The following SLC12A3 variants were observed in gnomAD, a reference collection of about 807,000 sequenced individuals.
SLC12A3 encodes the protein Na-Cl cotransporter.
In SLC12A3, 104 loss-of-function variants were observed where a neutral mutation model predicts 121.0. The ratio of observed to expected loss-of-function variants is 0.86; its 90% CI spans 0.73 to 1.01. SLC12A3 has a LOEUF of 1.01. Among genes scored for constraint, SLC12A3 ranks in the 50% least tolerant of loss-of-function variants. The probability of loss-of-function intolerance (pLI) is 0.00; values close to 1 mark genes in which losing one functional copy is unlikely to be tolerated. For synonymous variants in SLC12A3, 536 were observed against 533.4 expected (o/e 1.00, Z -0.07); for missense variants, 1,328 against 1,356.3 (o/e 0.98, Z 0.33).
chr16:56,870,259 G>A, intron 5 of SLC12A3, 24 bp downstream of exon 5: 1 of 1,609,062 alleles, frequency 6.2e-7, no homozygotes. Flanking sequence ...GCTGGACCCT[G>A]GGTAGAGGGA....
chr16:56,895,228 G>A (rs2144749944), intron 22 of SLC12A3, among the ~76,000 whole-genome samples: 1 of 125,544 alleles, frequency 8.0e-6, no homozygotes, highest in South Asian at 2.5e-4. Flanking sequence ...TTCTCACTCT[G>A]TCACCCAGGC....
chr16:56,890,038 C>T (rs1271135360), intron 18 of SLC12A3, among the ~76,000 whole-genome samples: 3 of 152,214 alleles, frequency 2.0e-5, no homozygotes, highest in Admixed American at 6.5e-5. Flanking sequence ...TGACTTGGTT[C>T]CCCTGAGTAC....
intron 16 of SLC12A3, among the ~76,000 whole-genome samples, chr16:56,886,677 C>A (rs1355925170): frequency 6.6e-6 from 1 of 152,132 alleles, no homozygotes; most frequent in African/African-American, 2.4e-5. Flanking sequence ...GCAAGGGGCA[C>A]CCAGCCAGGC....
At chr16:56,871,680 G>C (rs904696492) in intron 6 of SLC12A3, among the ~76,000 whole-genome samples, 19 of 152,208 alleles carry the variant, frequency 1.2e-4, no homozygotes, top group African/African-American at 4.3e-4. Context: ...TGCTAAATGA[G>C]CTCCACCCAG....
At chr16:56,911,126 C>G (rs1425238017) in intron 25 of SLC12A3, among the ~76,000 whole-genome samples, 1 of 152,218 alleles carries the variant, frequency 6.6e-6, no homozygotes, top group African/African-American at 2.4e-5. Context: ...ATTCAGTCCC[C>G]GAAATCATGT....
chr16:56,872,402 G>C lies in SLC12A3; in HGVS notation c.904G>C (p.Val302Leu). Residue 302 changes from valine (V) to leucine (L), a missense_variant, in exon 7 of 26, where the codon GTG (valine) becomes CTG (leucine). By Grantham distance (32) the Val-to-Leu change is conservative. Transcript: ENST00000563236. ...VIMVSFANYL[V>L]GTLIPPSEDK... ...CATGGTCTCCTTTGCCAACTATTTA[G>C]TGGGGACGCTGATCCCCCCATCTGA... The C allele has an allele frequency of 6.2e-7, 1 of 1,614,114 alleles. No individual in the cohort carries two copies. The highest frequency in any genetic ancestry group is 8.5e-7 in the Non-Finnish European group (1 of 1,180,040).
chr16:56,873,635 G>A (rs564627459), intron 8 of SLC12A3, among the ~76,000 whole-genome samples: 4 of 150,834 alleles, frequency 2.7e-5, no homozygotes, highest in East Asian at 1.9e-4. Context: ...TGATCCATTC[G>A]CCTGGGCCTC....
At chr16:56,908,127 A>C (rs1307544100) in intron 25 of SLC12A3, among the ~76,000 whole-genome samples, 2 of 146,406 alleles carry the variant, frequency 1.4e-5, no homozygotes, top group African/African-American at 5.2e-5. Flanking sequence ...TTTTTTAAAG[A>C]ATGATTGTAT....
intron 21 of SLC12A3, 62 bp downstream of exon 21, chr16:56,893,116 T>A: frequency 7.7e-7 from 1 of 1,299,458 alleles, no homozygotes; most frequent in Non-Finnish European, 1.1e-6. Context: ...GTGGTCTTCC[T>A]TCCTTCTCCT....
chr16:56,885,358 A>ACTAC lies in SLC12A3; in HGVS notation c.1921_1924dup (p.Arg642LeufsTer48), dbSNP rs1567436855. Reference sequence around the variant, plus strand: ...AATGAGGTGGAAGACCACATCAAGAACTACCGGTGAGCAGAGCTGCTGGGA... The same window carrying ACTAC: ...AATGAGGTGGAAGACCACATCAAGAACTACCTACCGGTGAGCAGAGCTGCTGGGA... On this transcript the variant is annotated frameshift_variant, in exon 15 of 26. Coordinates refer to ENST00000563236, the MANE Select transcript of SLC12A3 (RefSeq NM_001126108.2). LOFTEE classifies it high-confidence loss of function. 6.5e-7 allele frequency: 1 copy of ACTAC among 1,549,314 alleles called. No individual in the cohort carries two copies. The highest frequency in any genetic ancestry group is 8.7e-7 in the Non-Finnish European group (1 of 1,144,038).
In SLC12A3 at chr16:56,879,587, A is replaced by G. The variant is rs932396772; in HGVS notation, c.1381A>G (p.Ile461Val). 2 of 1,613,832 alleles carry G rather than the reference A, an allele frequency of 1.2e-6. No individual in the cohort carries two copies. Among genetic ancestry groups the G allele is most frequent in the Non-Finnish European group, 1.7e-6 (2 of 1,180,006 alleles). The change falls in exon 11 of 26, where the codon ATC (isoleucine) becomes GTC (valine). Residue 461 changes from isoleucine to valine, a missense_variant. Transcript: ENST00000563236. ...CTTCGCGCCCCTGATCACGGCTGGC[A>G]TCTTCGGGGCCACCCTCTCCTCTGC... ...SGFAPLITAG[I>V]FGATLSSALA... is the part of the protein sequence containing the mutation.
At chr16:56,906,178 C>CA (rs2055605808) in intron 25 of SLC12A3, among the ~76,000 whole-genome samples, 1 of 152,210 alleles carries the variant, frequency 6.6e-6, no homozygotes, top group South Asian at 2.1e-4. Flanking sequence ...AAAAGCAACT[C>CA]AAACTATTTT....
intron 3 of SLC12A3, among the ~76,000 whole-genome samples, chr16:56,869,188 C>G (rs1284717052): frequency 6.6e-6 from 1 of 152,116 alleles, no homozygotes; most frequent in Admixed American, 6.5e-5. Flanking sequence ...AGATTTGGCT[C>G]CCAGAGGTGA....
In SLC12A3 at chr16:56,902,526, G is replaced by A; in HGVS notation, c.2856+18G>A. On this transcript the variant is annotated intron_variant, in intron 24 of 25. Transcript: ENST00000563236. ...GAGTCAAGGTGCAGAGAGGGGTGGG[G>A]GTGGGAAACGCGACACATCACTGGG... The A allele has an allele frequency of 1.3e-6, 2 of 1,554,462 alleles. No homozygotes were observed. The highest frequency in any genetic ancestry group is 1.8e-6 in the Non-Finnish European group (2 of 1,132,066).
chr16:56,878,156 C>T lies in SLC12A3; in HGVS notation c.1175C>T (p.Thr392Ile), dbSNP rs748575829. ...ATTTCCTACCTGGCCATCTCAGCCA[C>T]CATTGGTAAGTGGCCGGCCCAGCCA... ...TTISYLAISA[T>I]IGSCVVRDAS... The change falls in exon 9 of 26, where the codon ACC (threonine) becomes ATC (isoleucine). Residue 392 changes from threonine to isoleucine, a missense_variant. Physicochemically the swap from Thr to Ile is moderately conservative, Grantham distance 89. Coordinates refer to ENST00000563236, the MANE Select transcript of SLC12A3 (RefSeq NM_001126108.2). The T allele has an allele frequency of 7.4e-6, 12 of 1,611,416 alleles. No individual in the cohort carries two copies. The highest frequency in any genetic ancestry group is 4.5e-5 in the East Asian group (2 of 44,846).
At chr16:56,884,233 C>T (rs1311899518) in intron 14 of SLC12A3, 29 bp downstream of exon 14, 2 of 1,612,706 alleles carry the variant, frequency 1.2e-6, no homozygotes, top group Admixed American at 3.3e-5. Flanking sequence ...GGGCCTCGGC[C>T]CTCCTCCCCC....
At chr16:56,887,280 C>T (rs554909061) in intron 17 of SLC12A3, among the ~76,000 whole-genome samples, 187 bp downstream of exon 17, 1 of 152,004 alleles carries the variant, frequency 6.6e-6, no homozygotes, top group African/African-American at 2.4e-5. Context: ...CAGCTCACTG[C>T]AATAACCTCC....
At chr16:56,900,935 T>G (rs756649226) in intron 23 of SLC12A3, among the ~76,000 whole-genome samples, 1 of 152,154 alleles carries the variant, frequency 6.6e-6, no homozygotes, top group African/African-American at 2.4e-5. Context: ...ATGTTTGCAC[T>G]CTTTGTCGAC....
At chr16:56,903,394 C>T (rs1245939684) in intron 24 of SLC12A3, among the ~76,000 whole-genome samples, 2 of 152,168 alleles carry the variant, frequency 1.3e-5, no homozygotes, top group Non-Finnish European at 2.9e-5. Context: ...ACTTCTACCC[C>T]CAGTGTCAGT....
Sources: gnomAD v4.1 joint callset for allele counts (sites outside exome capture counted in the v4.1 genomes callset) on GRCh38, gnomAD v4.1.1 for gene constraint, MANE v1.5 for transcripts, NCBI Gene and HGNC (gene_info 2026-07-23, HGNC 2026-07-21) for gene names.